E2F3: variants seen among roughly 807,000 people sequenced by gnomAD.
The protein encoded by E2F3 is transcription factor E2F3.
A neutral mutation model predicts 44.4 loss-of-function variants in E2F3; 11 were observed. That is an observed-to-expected ratio of 0.25 (90% CI 0.16 to 0.41). The LOEUF is 0.41. Ranked by LOEUF, E2F3 falls within the 10% of genes least tolerant of loss-of-function variation. The pLI, the probability that E2F3 is intolerant of heterozygous loss-of-function variation, is 1.00. For synonymous variants in E2F3, 249 were observed against 253.0 expected (o/e 0.98, Z 0.15); for missense variants, 487 against 583.6 (o/e 0.83, Z 1.70).
intron 1 of E2F3, among the ~76,000 whole-genome samples, chr6:20,473,153 T>C (rs959329484): frequency 3.9e-5 from 6 of 152,258 alleles, no homozygotes; most frequent in Non-Finnish European, 5.9e-5. Flanking sequence ...TACTCATTTA[T>C]GCTGCTTAAA....
At chr6:20,453,486 C>A (rs1342009552) in intron 1 of E2F3, among the ~76,000 whole-genome samples, 1 of 152,118 alleles carries the variant, frequency 6.6e-6, no homozygotes, top group Non-Finnish European at 1.5e-5. Context: ...GCAGTGACGG[C>A]TCACTGCAGC....
intron 1 of E2F3, among the ~76,000 whole-genome samples, chr6:20,415,860 G>C (rs765572622): frequency 1.3e-5 from 2 of 152,156 alleles, no homozygotes; most frequent in African/African-American, 4.8e-5. Flanking sequence ...ACTTGCAGAA[G>C]AAAGGATCAA....
intron 1 of E2F3, among the ~76,000 whole-genome samples, chr6:20,472,064 ACACACT>A (rs1357025872): frequency 6.0e-5 from 9 of 150,610 alleles, no homozygotes; most frequent in African/African-American, 1.7e-4. Context: ...ACACACACAC[ACACACT>A]CACATCTATC....
At chr6:20,429,347 T>A (rs1760319862) in intron 1 of E2F3, among the ~76,000 whole-genome samples, 1 of 152,214 alleles carries the variant, frequency 6.6e-6, no homozygotes, top group African/African-American at 2.4e-5. Flanking sequence ...AATAAACAAT[T>A]CATAAGTTTT....
chr6:20,460,761 C>T (rs772145452), intron 1 of E2F3, among the ~76,000 whole-genome samples: 34 of 151,970 alleles, frequency 2.2e-4, no homozygotes, highest in Non-Finnish European at 4.1e-4. Flanking sequence ...TTTGGGAGGC[C>T]GAGGAGGGCA....
intron 1 of E2F3, among the ~76,000 whole-genome samples, chr6:20,427,595 G>T (rs1159035353): frequency 1.3e-5 from 2 of 152,124 alleles, no homozygotes; most frequent in African/African-American, 2.4e-5. Context: ...AAGCCACAGA[G>T]ACTCACTGTG....
intron 1 of E2F3, among the ~76,000 whole-genome samples, chr6:20,459,731 C>T (rs149116258): frequency 5.9e-4 from 90 of 152,220 alleles, no homozygotes; most frequent in African/African-American, 2.2e-3. Context: ...TCACTTGAGT[C>T]CAGGAGTTCG....
At chr6:20,422,708 G>A (rs1345074275) in intron 1 of E2F3, among the ~76,000 whole-genome samples, 2 of 152,208 alleles carry the variant, frequency 1.3e-5, no homozygotes, top group African/African-American at 4.8e-5. Context: ...CCCGAGAAGA[G>A]GGTAAGAGAC....
chr6:20,420,465 A>G (rs972050281), intron 1 of E2F3, among the ~76,000 whole-genome samples: 4 of 150,590 alleles, frequency 2.7e-5, no homozygotes, highest in Admixed American at 6.7e-5. Flanking sequence ...GTGTGTGTGT[A>G]TAGTAAATAC....
chr6:20,457,429 C>T (rs1037431275), intron 1 of E2F3, among the ~76,000 whole-genome samples: 7 of 148,102 alleles, frequency 4.7e-5, no homozygotes, highest in Admixed American at 2.1e-4. Context: ...TCAGGTAATC[C>T]GACCACCTCG....
chr6:20,486,411 T>C (rs1005969906), intron 4 of E2F3, among the ~76,000 whole-genome samples: 1 of 152,192 alleles, frequency 6.6e-6, no homozygotes, highest in African/African-American at 2.4e-5. Flanking sequence ...TAGCTGGGAC[T>C]ACAGGCGCCC....
In E2F3 at chr6:20,485,344, G is replaced by A. The variant is rs530022945; in HGVS notation, c.885-1345G>A. Among the ~76,000 whole-genome samples the A allele has an allele frequency of 9.2e-5, 14 of 152,206 alleles. No homozygotes were observed. In the South Asian group the frequency reaches 1.2e-3, roughly 14 times the overall value. On this transcript the variant is annotated intron_variant, in intron 4 of 6. Coordinates refer to ENST00000346618, the MANE Select transcript of E2F3 (RefSeq NM_001949.5). ...TGTAATCCCAGCACTTTGGGAGGCC[G>A]GAGGCAGGCAGATCACTTGAGTCCA...
rs182250002 is a variant in E2F3, at chr6:20,405,574, C to T, written c.393+2949C>T. ...GCGCTGTGGCTCATGCCTGTAATCC[C>T]GGTACTTTGGGAAGCCGAGGGGGGC... is the stretch of plus-strand genomic sequence containing the variant. On this transcript the variant is annotated intron_variant, in intron 1 of 6. Transcript: ENST00000346618. Among the ~76,000 whole-genome samples the T allele has an allele frequency of 1.1e-3, 173 of 152,256 alleles. 1 individual carries two copies. The highest frequency in any genetic ancestry group is 9.2e-3 in the Admixed American group (140 of 15,300).
chr6:20,450,971 G>T (rs1300011827), intron 1 of E2F3, among the ~76,000 whole-genome samples: 3 of 152,118 alleles, frequency 2.0e-5, no homozygotes, highest in Non-Finnish European at 4.4e-5. Flanking sequence ...CTCTCATTCT[G>T]TCCCATTGGT....
At chr6:20,429,667 T>C (rs985842698) in intron 1 of E2F3, among the ~76,000 whole-genome samples, 2 of 151,982 alleles carry the variant, frequency 1.3e-5, no homozygotes, top group Non-Finnish European at 2.9e-5. Flanking sequence ...GTTTGAGATA[T>C]GTACAATTTT....
chr6:20,454,285 C>A (rs903761705), intron 1 of E2F3, among the ~76,000 whole-genome samples: 2 of 152,210 alleles, frequency 1.3e-5, no homozygotes, highest in Admixed American at 1.3e-4. Flanking sequence ...ATTCAACAAG[C>A]CTCTCAGGTG....
At chr6:20,417,290 G>A (rs960875858) in intron 1 of E2F3, among the ~76,000 whole-genome samples, 4 of 152,210 alleles carry the variant, frequency 2.6e-5, no homozygotes, top group Middle Eastern at 3.4e-3. Context: ...CAGGGTGACC[G>A]TTTGATAAAT....
chr6:20,437,848 G>A (rs575742348), intron 1 of E2F3: 1 of 152,214 alleles, frequency 6.6e-6, no homozygotes, highest in Non-Finnish European at 1.5e-5. Flanking sequence ...GCCCTGCCCA[G>A]GGTCTGGCAG....
rs369056847 is a variant in E2F3, at chr6:20,488,078, C to G, written c.1000-35C>G. On this transcript the variant is annotated intron_variant, in intron 5 of 6. Coordinates refer to ENST00000346618, the MANE Select transcript of E2F3 (RefSeq NM_001949.5). ...ACTATGGCTTTTATTTCTAAAAGAA[C>G]TTCTGATTCGAACTTCTCCCACTTC... The G allele has an allele frequency of 5.8e-5, 93 of 1,606,578 alleles. No individual in the cohort carries two copies. In the Middle Eastern group the frequency reaches 1.0e-3, roughly 17 times the overall value.
Sources: gnomAD v4.1 joint callset for allele counts (sites outside exome capture counted in the v4.1 genomes callset) on GRCh38, gnomAD v4.1.1 for gene constraint, MANE v1.5 for transcripts, NCBI Gene and HGNC (gene_info 2026-07-23, HGNC 2026-07-21) for gene names.